Variants in MDGA2 observed in about 807,000 individuals in gnomAD.
The protein encoded by MDGA2 is MAM domain containing glycosylphosphatidylinositol anchor 2, also known as MAM domain-containing glycosylphosphatidylinositol anchor protein 2.
MDGA2 carries 40 observed loss-of-function variants against 117.8 expected under a neutral mutation model. The ratio of observed to expected loss-of-function variants is 0.34; its 90% CI spans 0.26 to 0.44. The LOEUF (loss-of-function observed/expected upper bound fraction) is 0.44. Among genes scored for constraint, MDGA2 ranks in the 20% least tolerant of loss-of-function variants. The pLI, the probability that MDGA2 is intolerant of heterozygous loss-of-function variation, is 1.00. For synonymous variants in MDGA2, 452 were observed against 439.0 expected (o/e 1.03, Z -0.37); for missense variants, 1,123 against 1,250.6 (o/e 0.90, Z 1.54).
intron 3 of MDGA2, among the ~76,000 whole-genome samples, chr14:47,206,865 T>A (rs1392678689): frequency 6.6e-6 from 1 of 151,990 alleles, no homozygotes; most frequent in East Asian, 1.9e-4. Context: ...TACTCCAGCC[T>A]GGGCAACAGA....
chr14:47,332,303 A>G (rs1320130191), intron 1 of MDGA2, among the ~76,000 whole-genome samples: 1 of 152,018 alleles, frequency 6.6e-6, no homozygotes, highest in African/African-American at 2.4e-5. Flanking sequence ...TGGCCAAGTG[A>G]CCACACTGGC....
chr14:47,204,304 T>G (rs1298164873), intron 3 of MDGA2, among the ~76,000 whole-genome samples: 1 of 151,966 alleles, frequency 6.6e-6, no homozygotes, highest in African/African-American at 2.4e-5. Context: ...CAGCAACAAT[T>G]TAGTAAAATG....
intron 3 of MDGA2, among the ~76,000 whole-genome samples, chr14:47,192,445 T>G (rs1885149369): frequency 6.6e-6 from 1 of 151,814 alleles, no homozygotes; most frequent in Non-Finnish European, 1.5e-5. Context: ...CAAAACCCCA[T>G]CTCTACAAAA....
intron 1 of MDGA2, among the ~76,000 whole-genome samples, chr14:47,452,603 T>C (rs1268956620): frequency 7.3e-6 from 1 of 137,746 alleles, no homozygotes; most frequent in Non-Finnish European, 1.6e-5. Context: ...ACAAAGATTT[T>C]TATCATACTG....
chr14:47,289,357 A>C (rs1888802016), intron 2 of MDGA2, among the ~76,000 whole-genome samples: 1 of 145,842 alleles, frequency 6.9e-6, no homozygotes, highest in Admixed American at 7.3e-5. Context: ...TCTCATACTT[A>C]AGGCATATAC....
rs1365040359 is a variant in MDGA2 at position 46,881,999 on chromosome 14, T to G, written c.2416+45A>C. 5 of 1,332,122 alleles carry G rather than the reference T, an allele frequency of 3.8e-6. No homozygotes were observed. The Admixed American group carries it at 9.3e-5, about 25-fold the overall frequency. The allele number at this position is 1,332,122 out of a possible 1,614,324, so 82.5% of individuals were successfully genotyped here. A position where few individuals can be genotyped will look rare whatever the true frequency, so the allele number is the denominator to read the frequency against. ...ATAGCAGCAACCAAAATTTTCCATATAGTTAAATATATAAATAAATAATTT... is the reference window on the plus strand; with the variant it reads ...ATAGCAGCAACCAAAATTTTCCATAGAGTTAAATATATAAATAAATAATTT... On this transcript the variant is annotated intron_variant, in intron 11 of 16. Coordinates refer to ENST00000399232, the MANE Select transcript of MDGA2 (RefSeq NM_001113498.3).
At chr14:47,171,462 A>G (rs1261380986) in intron 3 of MDGA2, among the ~76,000 whole-genome samples, 1 of 152,212 alleles carries the variant, frequency 6.6e-6, no homozygotes, top group Non-Finnish European at 1.5e-5. Context: ...AGGAAGAGGC[A>G]ATTTATATGA....
intron 8 of MDGA2, among the ~76,000 whole-genome samples, chr14:46,999,011 A>G (rs1293199795): frequency 3.9e-5 from 6 of 152,136 alleles, no homozygotes; most frequent in South Asian, 2.1e-4. Flanking sequence ...ATAAAATGAT[A>G]AAGTGAAATA....
intron 4 of MDGA2, among the ~76,000 whole-genome samples, chr14:47,134,777 C>CTATATATATA (rs146851138): frequency 0.011 from 1,624 of 145,916 alleles, 13 homozygotes; most frequent in African/African-American, 0.021. Flanking sequence ...CACACACACA[C>CTATATATATA]TATATATATA....
chr14:47,509,955 G>T (rs1894603980), intron 1 of MDGA2, among the ~76,000 whole-genome samples: 1 of 152,178 alleles, frequency 6.6e-6, no homozygotes, highest in Non-Finnish European at 1.5e-5. Flanking sequence ...TTTTAGGGCT[G>T]TGGGGATGTT....
At chr14:46,893,694 A>G (rs1398487405) in intron 10 of MDGA2, among the ~76,000 whole-genome samples, 1 of 152,076 alleles carries the variant, frequency 6.6e-6, no homozygotes, top group Non-Finnish European at 1.5e-5. Context: ...ACATTTTAAT[A>G]CTACAAATTT....
chr14:47,391,738 A>C (rs972110223), intron 1 of MDGA2, among the ~76,000 whole-genome samples: 13 of 152,198 alleles, frequency 8.5e-5, no homozygotes, highest in Non-Finnish European at 1.8e-4. Context: ...TCTAATTTTC[A>C]ATGTCAACAC....
chr14:47,470,610 T>C (rs1031884652), intron 1 of MDGA2, among the ~76,000 whole-genome samples: 3 of 152,184 alleles, frequency 2.0e-5, no homozygotes, highest in Admixed American at 6.6e-5. Context: ...GAATGATTTA[T>C]AATCCTTTGG....
At chr14:47,413,652 T>C (rs770439357) in intron 1 of MDGA2, among the ~76,000 whole-genome samples, 1 of 146,288 alleles carries the variant, frequency 6.8e-6, no homozygotes, top group African/African-American at 2.6e-5. Context: ...CTATATTTAT[T>C]ATAAGTAATA....
At chr14:47,163,047 C>T (rs1365358990) in intron 3 of MDGA2, among the ~76,000 whole-genome samples, 1 of 152,190 alleles carries the variant, frequency 6.6e-6, no homozygotes, top group Non-Finnish European at 1.5e-5. Flanking sequence ...ACTTCTGCTT[C>T]TGACACAGGA....
At chr14:47,069,214 G>C (rs1338671838) in intron 6 of MDGA2, among the ~76,000 whole-genome samples, 1 of 152,154 alleles carries the variant, frequency 6.6e-6, no homozygotes, top group East Asian at 1.9e-4. Flanking sequence ...AGGGCTCAAA[G>C]ATTAGTAATG....
At chr14:47,565,991 G>A (rs1027840505) in intron 1 of MDGA2, among the ~76,000 whole-genome samples, 6 of 152,238 alleles carry the variant, frequency 3.9e-5, no homozygotes, top group Non-Finnish European at 7.3e-5. Context: ...TGGCAGCATC[G>A]TGATGCAGGG....
chr14:47,480,448 A>G (rs768105644), intron 1 of MDGA2, among the ~76,000 whole-genome samples: 1 of 152,034 alleles, frequency 6.6e-6, no homozygotes, highest in Non-Finnish European at 1.5e-5. Context: ...ACCAATAGCA[A>G]TAACATTTAG....
At chr14:46,900,546 G>T (rs911666587) in intron 10 of MDGA2, among the ~76,000 whole-genome samples, 5 of 152,076 alleles carry the variant, frequency 3.3e-5, no homozygotes, top group African/African-American at 7.2e-5. Context: ...ATGAACTACT[G>T]ATATATGCAA....
Sources: gnomAD v4.1 joint callset for allele counts (sites outside exome capture counted in the v4.1 genomes callset) on GRCh38, gnomAD v4.1.1 for gene constraint, MANE v1.5 for transcripts, NCBI Gene and HGNC (gene_info 2026-07-23, HGNC 2026-07-21) for gene names.